The following SOAT2 variants were observed in gnomAD, a reference collection of about 807,000 sequenced individuals.
The protein encoded by SOAT2 is ACAT-2.
A neutral mutation model predicts 76.0 loss-of-function variants in SOAT2; 87 were observed. That is an observed-to-expected ratio of 1.14 (90% CI 0.96 to 1.37). The LOEUF is 1.37. SOAT2 is among the 40% of genes most tolerant of loss of function. The pLI is 0.00. For synonymous variants in SOAT2, 285 were observed against 275.4 expected, an observed-to-expected ratio of 1.03 and a Z score of -0.34; for missense variants, 686 against 682.1, an observed-to-expected ratio of 1.01 and a Z score of -0.06.
intron 5 of SOAT2, among the ~76,000 whole-genome samples, chr12:53,108,805 A>G (rs1415767958): frequency 6.6e-6 from 1 of 152,256 alleles, no homozygotes; most frequent in Non-Finnish European, 1.5e-5. Flanking sequence ...TTAGAGCTTT[A>G]TAACTGATTA....
intron 5 of SOAT2, among the ~76,000 whole-genome samples, chr12:53,111,945 C>A (rs1162758838): frequency 6.6e-6 from 1 of 152,174 alleles, no homozygotes; most frequent in Non-Finnish European, 1.5e-5. Context: ...AATACGCAGA[C>A]GTATTAGGCA....
chr12:53,118,544 C>T (rs984905021), intron 8 of SOAT2, 110 bp downstream of exon 8: 1 of 761,680 alleles, frequency 1.3e-6, no homozygotes, highest in Non-Finnish European at 2.3e-6. Flanking sequence ...GCCACTTTCT[C>T]AGGAAGCATC....
At chr12:53,115,712 CAGAGGGGGAGTCCCCCAA>C (rs1938096155) in intron 6 of SOAT2, 58 bp downstream of exon 6, 18 of 1,448,772 alleles carry the variant, frequency 1.2e-5, no homozygotes, top group Non-Finnish European at 1.5e-5. Flanking sequence ...GCCATCTCAG[CAGAGGGGGAGTCCCCCAA>C]AGAGGGGGCG....
chr12:53,119,346 G>A (rs901589346), intron 10 of SOAT2, 93 bp downstream of exon 10: 33 of 1,382,012 alleles, frequency 2.4e-5, no homozygotes, highest in African/African-American at 1.0e-4. Flanking sequence ...GTTTCAACAC[G>A]TTCTCCTTCT....
chr12:53,104,254 C>G (rs777865568), intron 2 of SOAT2, 48 bp downstream of exon 2: 1 of 1,373,068 alleles, frequency 7.3e-7, no homozygotes, highest in Admixed American at 1.7e-5. Context: ...TCCTTGGTAG[C>G]AGGAAGCAGG....
chr12:53,113,898 A>G (rs1406651924), intron 5 of SOAT2, among the ~76,000 whole-genome samples: 1 of 152,154 alleles, frequency 6.6e-6, no homozygotes, highest in Non-Finnish European at 1.5e-5. Flanking sequence ...GCTAAATCAC[A>G]GAGGTTTGGG....
At chr12:53,105,519 C>G in intron 3 of SOAT2, 42 bp from the exon 4 acceptor site, 1 of 1,579,432 alleles carries the variant, frequency 6.3e-7, no homozygotes, top group Non-Finnish European at 8.7e-7. Flanking sequence ...TGCCCTCTGC[C>G]CATTTACTTT....
intron 7 of SOAT2, 77 bp from the exon 8 acceptor site, chr12:53,118,273 C>A: frequency 1.2e-6 from 1 of 816,904 alleles, no homozygotes; most frequent in East Asian, 2.6e-5. Flanking sequence ...CCAATCCCAC[C>A]ACCCTTCCCC....
Position 53,105,152 on chromosome 12 carries a change from G to T in SOAT2, c.184G>T (p.Glu62Ter), listed in dbSNP as rs1937911580. ...LLEQAQGQLR[E>*]LLDRAMREAI... ...GGAGCAAGCGCAGGGACAACTGAGG[G>T]AGCTGCTGGATCGGGCCATGCGGGA... is the stretch of plus-strand genomic sequence containing the variant. Residue 62 changes from glutamate to a stop codon, truncating the protein, a stop_gained, in exon 3 of 15, where the codon GAG becomes TAG. Coordinates refer to ENST00000301466, the MANE Select transcript of SOAT2 (RefSeq NM_003578.4). LOFTEE classifies it high-confidence loss of function. The T allele has an allele frequency of 6.3e-7, 1 of 1,575,620 alleles. No individual in the cohort carries two copies. Among genetic ancestry groups the T allele is most frequent in the East Asian group, 2.3e-5 (1 of 42,614 alleles).
rs985035898 is a variant in SOAT2, at chr12:53,105,092, G to A, written c.139-15G>A. Reference sequence around the variant, plus strand: ...CTGGAGGGACAGTGGGCTCTACCCTGGCTTTGTCCCGTAGGCTGTGAAGGC... The same window carrying A: ...CTGGAGGGACAGTGGGCTCTACCCTAGCTTTGTCCCGTAGGCTGTGAAGGC... On this transcript the variant is annotated splice_polypyrimidine_tract_variant and intron_variant, in intron 2 of 14. Coordinates refer to ENST00000301466, the MANE Select transcript of SOAT2 (RefSeq NM_003578.4). 1 of 1,553,642 alleles carries A rather than the reference G, an allele frequency of 6.4e-7. No individual in the cohort carries two copies. Among genetic ancestry groups the A allele is most frequent in the African/African-American group, 1.4e-5 (1 of 73,264 alleles).
rs1272991003 is a variant in SOAT2 at position 53,105,967 on chromosome 12, T to C, written c.396T>C (p.Cys132=). 6.2e-7 allele frequency: 1 copy of C among 1,614,120 alleles called. No individual in the cohort carries two copies. The highest frequency in any genetic ancestry group is 8.5e-7 in the Non-Finnish European group (1 of 1,179,996). ...TIYHMFIAGL[C]VFIISTLAID... ...ACCACATGTTCATCGCTGGCCTGTGTGTCTTCATCATCAGCACCCTGGCCA... is the reference window on the plus strand; with the variant it reads ...ACCACATGTTCATCGCTGGCCTGTGCGTCTTCATCATCAGCACCCTGGCCA... Residue 132 remains cysteine (C), a synonymous_variant, in exon 5 of 15, where the codon TGT becomes TGC. Coordinates refer to ENST00000301466, the MANE Select transcript of SOAT2 (RefSeq NM_003578.4).
rs1488731307 is a variant in SOAT2, at chr12:53,119,023, G to A, written c.909+88G>A. 25 of 1,609,366 alleles carry A rather than the reference G, an allele frequency of 1.6e-5. No homozygotes were observed. The East Asian group carries it at 5.6e-4, about 36-fold the overall frequency. ...GGAGGCCTGGGGAGGCAGTGGGAGG[G>A]TGATGCCAAGGGAAGAGAAGGCCAG... On this transcript the variant is annotated intron_variant, in intron 9 of 14. Coordinates refer to ENST00000301466, the MANE Select transcript of SOAT2 (RefSeq NM_003578.4).
rs906347470 is a variant in SOAT2, at chr12:53,115,397, C to G, written c.451C>G (p.Leu151Val). Residue 151 changes from leucine to valine, a missense_variant, in exon 6 of 15, where the codon CTG (leucine) becomes GTG (valine). Coordinates refer to ENST00000301466, the MANE Select transcript of SOAT2 (RefSeq NM_003578.4). Reference protein sequence around the residue: ...IDFIDEGRLLLEFDLLIFSFG... With the variant: ...IDFIDEGRLLVEFDLLIFSFG... Reference sequence around the variant, plus strand: ...CTCCTTCCCCACTCCAAGGCTGCTGCTGGAGTTTGACCTACTGATCTTCAG... The same window carrying G: ...CTCCTTCCCCACTCCAAGGCTGCTGGTGGAGTTTGACCTACTGATCTTCAG... 1 of 1,603,546 alleles carries G rather than the reference C, an allele frequency of 6.2e-7. No individual in the cohort carries two copies. The highest frequency in any genetic ancestry group is 1.3e-5 in the African/African-American group (1 of 74,806).
In SOAT2 at chr12:53,123,126, C is replaced by T. The variant is rs777270917; in HGVS notation, c.1282C>T (p.Leu428=). 18 of 1,614,004 alleles carry T rather than the reference C, an allele frequency of 1.1e-5. No individual in the cohort carries two copies. The highest frequency in any genetic ancestry group is 4.5e-5 in the East Asian group (2 of 44,878). ...AGGGGTAGCCATGCTGGGTGTGTTC[C>T]TGGTCTCCGCAGTGGCCCATGAGTA... ...ARGVAMLGVF[L]VSAVAHEYIF... is the part of the protein sequence containing the mutation. The change falls in exon 13 of 15, where the codon CTG becomes TTG. Residue 428 remains leucine, a synonymous_variant. Coordinates refer to ENST00000301466, the MANE Select transcript of SOAT2 (RefSeq NM_003578.4).
At position 53,105,921 on chromosome 12, in the gene SOAT2, TGCA is replaced by T; in HGVS notation, c.354_356del (p.Gln118del). ...TGTCCCTCTAGTGAGCTGATGGAGG[TGCA>T]GCATTTCCGCACCATCTACCACATG... is the stretch of plus-strand genomic sequence containing the variant. On this transcript the variant is annotated inframe_deletion, in exon 5 of 15. Transcript: ENST00000301466. 1 of 1,613,900 alleles carries T rather than the reference TGCA, an allele frequency of 6.2e-7. No individual in the cohort carries two copies. The highest frequency in any genetic ancestry group is 8.5e-7 in the Non-Finnish European group (1 of 1,179,842).
At chr12:53,122,384 A>G (rs978940031) in intron 12 of SOAT2, among the ~76,000 whole-genome samples, 2 of 137,428 alleles carry the variant, frequency 1.5e-5, no homozygotes, top group East Asian at 2.1e-4. Context: ...TTTCTCGCAG[A>G]GGGGGATTTG....
chr12:53,118,794 G>C, intron 8 of SOAT2, 96 bp from the exon 9 acceptor site: 1 of 1,345,262 alleles, frequency 7.4e-7, no homozygotes. Flanking sequence ...AAGCAATTAA[G>C]GGAACTGAGG....
rs575796687 is a variant in SOAT2, at chr12:53,120,337, C to T, written c.1040-449C>T. ...ACAAAAAATTAGCCGGGCGTGGTGGCGGGCGTCTGTAGTCCCAGCTACTCG... is the reference window on the plus strand; with the variant it reads ...ACAAAAAATTAGCCGGGCGTGGTGGTGGGCGTCTGTAGTCCCAGCTACTCG... On this transcript the variant is annotated intron_variant, in intron 10 of 14. Coordinates refer to ENST00000301466, the MANE Select transcript of SOAT2 (RefSeq NM_003578.4). Among the ~76,000 whole-genome samples, 22 of 152,116 alleles carry T rather than the reference C, an allele frequency of 1.4e-4. No homozygotes were observed. The South Asian group carries it at 1.5e-3, about 10-fold the overall frequency.
chr12:53,118,168 G>T (rs193114238), intron 7 of SOAT2, among the ~76,000 whole-genome samples, 182 bp from the exon 8 acceptor site: 2 of 151,844 alleles, frequency 1.3e-5, no homozygotes, highest in South Asian at 2.1e-4. Context: ...AGCCAGTTCC[G>T]CTCCTGCCCA....
Sources: allele counts gnomAD v4.1 joint callset (sites outside exome capture counted in the v4.1 genomes callset), GRCh38; gene constraint gnomAD v4.1.1; transcripts MANE v1.5; gene names NCBI Gene and HGNC (gene_info 2026-07-23, HGNC 2026-07-21).